The following CDC42BPA variants were observed in gnomAD, a reference collection of about 807,000 sequenced individuals.
CDC42BPA encodes the protein serine/threonine-protein kinase MRCK alpha.
Under a neutral mutation model 223.5 loss-of-function variants are expected in CDC42BPA, and 80 were observed. The ratio of observed to expected loss-of-function variants is 0.36; its 90% CI spans 0.30 to 0.43. The LOEUF is 0.43. Among genes scored for constraint, CDC42BPA ranks in the 20% least tolerant of loss-of-function variants. The pLI is 1.00. For missense variants in CDC42BPA, 1,743 were observed against 2,099.9 expected, an observed-to-expected ratio of 0.83 and a Z score of 3.32; for synonymous variants, 694 against 718.6, an observed-to-expected ratio of 0.97 and a Z score of 0.55.
At chr1:227,138,698 C>A (rs913661462) in intron 10 of CDC42BPA, among the ~76,000 whole-genome samples, 1 of 151,948 alleles carries the variant, frequency 6.6e-6, no homozygotes, top group African/African-American at 2.4e-5. Flanking sequence ...GTCTGTGAAT[C>A]TGAATTAATA....
At chr1:227,197,152 A>G (rs1670896206) in intron 4 of CDC42BPA, among the ~76,000 whole-genome samples, 1 of 152,194 alleles carries the variant, frequency 6.6e-6, no homozygotes, top group Non-Finnish European at 1.5e-5. Flanking sequence ...AGCATTATAA[A>G]TTATGTTCTT....
intron 3 of CDC42BPA, among the ~76,000 whole-genome samples, chr1:227,209,444 A>AG (rs1417770349): frequency 7.0e-6 from 1 of 142,356 alleles, no homozygotes; most frequent in East Asian, 2.1e-4. Flanking sequence ...CAGTTTTCAA[A>AG]GGGAATGCTT....
chr1:227,046,250 G>T (rs2148821597), intron 23 of CDC42BPA, among the ~76,000 whole-genome samples: 1 of 152,210 alleles, frequency 6.6e-6, no homozygotes. Context: ...TGCTTGTTAA[G>T]AAAGGACCTA....
intron 5 of CDC42BPA, among the ~76,000 whole-genome samples, chr1:227,186,990 T>A (rs1422528514): frequency 2.6e-5 from 4 of 152,198 alleles, no homozygotes; most frequent in Non-Finnish European, 2.9e-5. Flanking sequence ...CTTTTTTCCT[T>A]AAAAACCCAC....
chr1:227,173,234 A>C (rs1441339120), intron 5 of CDC42BPA, among the ~76,000 whole-genome samples: 1 of 152,236 alleles, frequency 6.6e-6, no homozygotes, highest in Non-Finnish European at 1.5e-5. Flanking sequence ...TGTATCTGCC[A>C]TATGAACATT....
chr1:227,109,700 T>C (rs954375233), intron 14 of CDC42BPA, among the ~76,000 whole-genome samples: 1 of 148,394 alleles, frequency 6.7e-6, no homozygotes, highest in Non-Finnish European at 1.5e-5. Flanking sequence ...TAAGCTTTTT[T>C]CTATTTGTAA....
intron 24 of CDC42BPA, among the ~76,000 whole-genome samples, chr1:227,039,646 C>T (rs1387241381): frequency 6.6e-6 from 1 of 152,020 alleles, no homozygotes; most frequent in African/African-American, 2.4e-5. Context: ...ACTATTATGT[C>T]CCCAGTGCCT....
At chr1:227,256,503 T>C (rs1401666902) in intron 1 of CDC42BPA, among the ~76,000 whole-genome samples, 2 of 151,638 alleles carry the variant, frequency 1.3e-5, no homozygotes, top group Non-Finnish European at 2.9e-5. Flanking sequence ...TATATGAAGA[T>C]ATATAAAAAT....
At chr1:227,202,282 G>A (rs978104788) in intron 3 of CDC42BPA, among the ~76,000 whole-genome samples, 39 of 152,078 alleles carry the variant, frequency 2.6e-4, no homozygotes, top group African/African-American at 8.4e-4. Flanking sequence ...ACACCCGGCC[G>A]CTCTGGTTCT....
chr1:227,070,351 T>C (rs1678022305), intron 20 of CDC42BPA, among the ~76,000 whole-genome samples: 1 of 151,598 alleles, frequency 6.6e-6, no homozygotes, highest in African/African-American at 2.4e-5. Flanking sequence ...TATTTTTTTA[T>C]TGACAGGATG....
chr1:227,194,069 T>C (rs1670252645), intron 4 of CDC42BPA, 135 bp from the exon 5 acceptor site: 6 of 583,744 alleles, frequency 1.0e-5, no homozygotes, highest in Non-Finnish European at 1.7e-5. Flanking sequence ...AACAAGAAAC[T>C]GTGTAAGATG....
chr1:227,098,544 AGTC>A (rs1348540760), intron 15 of CDC42BPA, among the ~76,000 whole-genome samples: 1 of 152,160 alleles, frequency 6.6e-6, no homozygotes, highest in African/African-American at 2.4e-5. Context: ...CCTCTCCTGT[AGTC>A]GTCCTTTCTA....
intron 1 of CDC42BPA, chr1:227,264,905 G>A (rs536426117): frequency 7.0e-5 from 101 of 1,440,486 alleles, no homozygotes; most frequent in Non-Finnish European, 8.1e-5. Flanking sequence ...TGAAACCTCA[G>A]ATACCAGCTC....
chr1:227,279,354 C>A (rs1205728284), intron 1 of CDC42BPA, among the ~76,000 whole-genome samples: 1 of 152,058 alleles, frequency 6.6e-6, no homozygotes, highest in Non-Finnish European at 1.5e-5. Context: ...GATGGAGGTA[C>A]TGCTTTCATA....
chr1:227,222,128 G>A (rs192847739), intron 2 of CDC42BPA, among the ~76,000 whole-genome samples: 6 of 151,902 alleles, frequency 3.9e-5, no homozygotes, highest in Non-Finnish European at 7.4e-5. Context: ...AGCTACTTGG[G>A]AGGCTGAGAT....
intron 1 of CDC42BPA, among the ~76,000 whole-genome samples, chr1:227,286,577 C>T (rs1052440081): frequency 2.0e-5 from 3 of 152,190 alleles, no homozygotes; most frequent in African/African-American, 7.2e-5. Context: ...ACTCTTCCAA[C>T]CTCCGTACGT....
chr1:227,082,201 T>A (rs558263051), intron 16 of CDC42BPA, among the ~76,000 whole-genome samples: 3 of 152,030 alleles, frequency 2.0e-5, no homozygotes, highest in African/African-American at 7.2e-5. Flanking sequence ...GCTAATTTTT[T>A]ATTTTTTTAT....
intron 21 of CDC42BPA, among the ~76,000 whole-genome samples, chr1:227,066,092 C>T (rs746262039): frequency 4.6e-5 from 7 of 152,006 alleles, no homozygotes; most frequent in Non-Finnish European, 1.0e-4. Context: ...TGATTTGCTC[C>T]TTAAGAATCC....
At chr1:227,140,089 T>C (rs1350249364) in intron 9 of CDC42BPA, among the ~76,000 whole-genome samples, 6 of 152,142 alleles carry the variant, frequency 3.9e-5, no homozygotes, top group Non-Finnish European at 8.8e-5. Context: ...GGTGAAACAG[T>C]AGTAGTCAAA....
Sources: allele counts gnomAD v4.1 joint callset (sites outside exome capture counted in the v4.1 genomes callset), GRCh38; gene constraint gnomAD v4.1.1; transcripts MANE v1.5; gene names NCBI Gene and HGNC (gene_info 2026-07-23, HGNC 2026-07-21).